KCTD16: variants seen among roughly 807,000 people sequenced by gnomAD.
KCTD16 encodes the protein potassium channel tetramerization domain containing 16.
KCTD16 carries 13 observed loss-of-function variants against 33.2 expected under a neutral mutation model. That is an observed-to-expected ratio of 0.39 (90% CI 0.25 to 0.62). The LOEUF (loss-of-function observed/expected upper bound fraction) is 0.62, where lower values mean the gene tolerates loss of function less well. KCTD16 is among the 20% of genes least tolerant of loss of function. KCTD16 has a pLI of 0.50. For missense variants in KCTD16, 441 were observed against 525.1 expected (o/e 0.84, Z 1.57); for synonymous variants, 197 against 195.3 (o/e 1.01, Z -0.07).
intron 3 of KCTD16, among the ~76,000 whole-genome samples, chr5:144,252,991 T>A (rs1206542244): frequency 1.3e-5 from 2 of 151,968 alleles, no homozygotes; most frequent in East Asian, 3.8e-4. Flanking sequence ...CATGACCTAT[T>A]GTTTGAAGCC....
At chr5:144,311,891 C>T (rs1463121218) in intron 3 of KCTD16, among the ~76,000 whole-genome samples, 1 of 151,822 alleles carries the variant, frequency 6.6e-6, no homozygotes, top group Non-Finnish European at 1.5e-5. Context: ...ATGTTTCTAA[C>T]AAAAAGTTAA....
chr5:144,181,303 A>G (rs1752620491), intron 2 of KCTD16, among the ~76,000 whole-genome samples: 1 of 152,196 alleles, frequency 6.6e-6, no homozygotes, highest in African/African-American at 2.4e-5. Flanking sequence ...CCACTTCTCA[A>G]TGGGATGTAA....
At chr5:144,268,530 G>T (rs1479400914) in intron 3 of KCTD16, among the ~76,000 whole-genome samples, 3 of 152,090 alleles carry the variant, frequency 2.0e-5, no homozygotes, top group Non-Finnish European at 2.9e-5. Flanking sequence ...GTTTTAAAAA[G>T]ACCTTAGATT....
rs1752754762 is a variant in KCTD16, at chr5:144,187,512, CAA to C, written c.-327+13043_-327+13044del. Among the ~76,000 whole-genome samples, 3 of 152,136 alleles carry C rather than the reference CAA, an allele frequency of 2.0e-5. No individual in the cohort carries two copies. The South Asian group carries it at 6.2e-4, about 32-fold the overall frequency. On this transcript the variant is annotated intron_variant, in intron 2 of 3. Coordinates refer to ENST00000512467, the MANE Select transcript of KCTD16 (RefSeq NM_020768.4). ...ATGTTGTTTATTCTTCTAGCTATAACAAAATATCACTTGGGTTCCCCCTTTTC... is the reference window on the plus strand; with the variant it reads ...ATGTTGTTTATTCTTCTAGCTATAACAATATCACTTGGGTTCCCCCTTTTC...
Position 144,294,908 on chromosome 5 carries a change from G to A in KCTD16, c.832+87362G>A, listed in dbSNP as rs1755994445. The stretch of plus-strand genomic sequence containing the variant: ...TTTGAGTGGACAGAACTGAGTTCCT[G>A]TCACTGCTTCAATATTTATAATGTG... On this transcript the variant is annotated intron_variant, in intron 3 of 3. Coordinates refer to ENST00000512467, the MANE Select transcript of KCTD16 (RefSeq NM_020768.4). 2.6e-5 allele frequency among the ~76,000 whole-genome samples: 4 copies of A among 152,160 alleles called. No individual in the cohort carries two copies. In the South Asian group the frequency reaches 8.3e-4, roughly 32 times the overall value.
rs572910510 is a variant in KCTD16 at position 144,178,752 on chromosome 5, T to C, written c.-327+4280T>C. On this transcript the variant is annotated intron_variant, in intron 2 of 3. Coordinates refer to ENST00000512467, the MANE Select transcript of KCTD16 (RefSeq NM_020768.4). ...CTAGATTTATAAATGTCATTTCTTTTCTTGACTCTAATTAAAAGTTATTCC... is the reference window on the plus strand; with the variant it reads ...CTAGATTTATAAATGTCATTTCTTTCCTTGACTCTAATTAAAAGTTATTCC... 1.4e-4 allele frequency among the ~76,000 whole-genome samples: 22 copies of C among 152,334 alleles called. No homozygotes were observed. The South Asian group carries it at 1.7e-3, about 11-fold the overall frequency.
chr5:144,340,980 G>A (rs921164710), intron 3 of KCTD16, among the ~76,000 whole-genome samples: 3 of 152,106 alleles, frequency 2.0e-5, no homozygotes, highest in Non-Finnish European at 4.4e-5. Context: ...AGGAGGTAGA[G>A]GTTGCAGTGA....
intron 3 of KCTD16, among the ~76,000 whole-genome samples, chr5:144,321,173 T>A (rs1752064719): frequency 6.6e-6 from 1 of 152,176 alleles, no homozygotes; most frequent in Non-Finnish European, 1.5e-5. Context: ...CACTTCTTGA[T>A]GAAAACTTTG....
rs1186509513 is a variant in KCTD16 at position 144,484,926 on chromosome 5, G to A, written c.*10812G>A. 1 of 151,908 alleles carries A rather than the reference G, an allele frequency of 6.6e-6. No homozygotes were observed. The highest frequency in any genetic ancestry group is 1.5e-5 in the Non-Finnish European group (1 of 67,918). The allele number at this position is 151,908 out of a possible 1,614,324, so 9.4% of individuals were successfully genotyped here. A position where few individuals can be genotyped will look rare whatever the true frequency, so the allele number is the denominator to read the frequency against. ...TTTAGCTCAAACTTTAAAGGAATTTGTTTACTGACTGGTGTTAAAATGAAT... is the reference window on the plus strand; with the variant it reads ...TTTAGCTCAAACTTTAAAGGAATTTATTTACTGACTGGTGTTAAAATGAAT... On this transcript the variant is annotated 3_prime_UTR_variant, in exon 4 of 4. Coordinates refer to ENST00000512467, the MANE Select transcript of KCTD16 (RefSeq NM_020768.4).
chr5:144,464,836 C>A lies in KCTD16; in HGVS notation c.833-8824C>A, dbSNP rs535535560. 3.4e-3 allele frequency among the ~76,000 whole-genome samples: 516 copies of A among 152,040 alleles called. 1 individual carries two copies. Among genetic ancestry groups the A allele is most frequent in the Non-Finnish European group, 6.3e-3 (426 of 67,996 alleles). ...AGGCATTGATCACTAATGTGAGTTT[C>A]CAGGTTTCCCTCTCTGTTGGGCCCA... On this transcript the variant is annotated intron_variant, in intron 3 of 3. Coordinates refer to ENST00000512467, the MANE Select transcript of KCTD16 (RefSeq NM_020768.4).
chr5:144,235,503 A>T (rs548914896), intron 3 of KCTD16, among the ~76,000 whole-genome samples: 5 of 152,156 alleles, frequency 3.3e-5, no homozygotes, highest in Admixed American at 3.3e-4. Flanking sequence ...CAAGTTACTT[A>T]AACTCTTGGT....
At chr5:144,309,524 T>C (rs1219415768) in intron 3 of KCTD16, among the ~76,000 whole-genome samples, 1 of 152,200 alleles carries the variant, frequency 6.6e-6, no homozygotes, top group Non-Finnish European at 1.5e-5. Flanking sequence ...CCTTGTGAGA[T>C]TGGGAAATGG....
chr5:144,221,799 G>A (rs1386752301), intron 3 of KCTD16, among the ~76,000 whole-genome samples: 9 of 152,232 alleles, frequency 5.9e-5, no homozygotes, highest in South Asian at 2.1e-4. Flanking sequence ...GGATTGCTGC[G>A]TCAAATGGTA....
At chr5:144,289,033 C>A (rs1006999656) in intron 3 of KCTD16, among the ~76,000 whole-genome samples, 4 of 151,862 alleles carry the variant, frequency 2.6e-5, no homozygotes, top group Admixed American at 6.6e-5. Flanking sequence ...AACAAACAAA[C>A]AAACAAAAAA....
chr5:144,223,238 C>T (rs1363795724), intron 3 of KCTD16, among the ~76,000 whole-genome samples: 1 of 152,066 alleles, frequency 6.6e-6, no homozygotes, highest in East Asian at 1.9e-4. Context: ...CACATGTATA[C>T]ATATGTAACA....
rs70995051 is a variant in KCTD16, at chr5:144,459,824, C to CTTTTTTTTTTTTTT, written c.833-13824_833-13811dup. Among the ~76,000 whole-genome samples, 5 of 66,754 alleles carry CTTTTTTTTTTTTTT rather than the reference C, an allele frequency of 7.5e-5. 1 individual carries two copies. Among genetic ancestry groups the CTTTTTTTTTTTTTT allele is most frequent in the Admixed American group, 4.8e-4 (2 of 4,158 alleles). The allele number at this position is 66,754 out of a possible 152,430, so 43.8% of individuals were successfully genotyped here. ...CTCCTGTCTCCCTCTCCAATATCAT[C>CTTTTTTTTTTTTTT]TTTTTTTTTTTTTTTTTTTTTTTTT... On this transcript the variant is annotated intron_variant, in intron 3 of 3. Transcript: ENST00000512467.
intron 3 of KCTD16, among the ~76,000 whole-genome samples, chr5:144,353,529 T>A (rs1751494330): frequency 6.6e-6 from 1 of 152,210 alleles, no homozygotes; most frequent in Non-Finnish European, 1.5e-5. Flanking sequence ...TTATTTTATG[T>A]CATTATTGTA....
chr5:144,304,203 G>T (rs1179906964), intron 3 of KCTD16, among the ~76,000 whole-genome samples: 3 of 152,178 alleles, frequency 2.0e-5, no homozygotes, highest in Admixed American at 2.0e-4. Flanking sequence ...AAAGACCAGG[G>T]TGTCATAGTT....
At chr5:144,260,399 G>C (rs926224009) in intron 3 of KCTD16, among the ~76,000 whole-genome samples, 1 of 152,194 alleles carries the variant, frequency 6.6e-6, no homozygotes, top group African/African-American at 2.4e-5. Flanking sequence ...GGGTAAAGTA[G>C]TTAAAGAAAA....
Sources: allele counts gnomAD v4.1 joint callset (sites outside exome capture counted in the v4.1 genomes callset), GRCh38; gene constraint gnomAD v4.1.1; transcripts MANE v1.5; gene names NCBI Gene and HGNC (gene_info 2026-07-23, HGNC 2026-07-21).